The following CREBBP variants were observed in gnomAD, a reference collection of about 807,000 sequenced individuals.
The protein encoded by CREBBP is CREB-binding protein.
In CREBBP, 19 loss-of-function variants were observed where a neutral mutation model predicts 265.0. The ratio of observed to expected loss-of-function variants is 0.07; its 90% CI spans 0.05 to 0.11. The LOEUF (loss-of-function observed/expected upper bound fraction) is 0.11, where lower values mean the gene tolerates loss of function less well. Among genes scored for constraint, CREBBP ranks in the 10% least tolerant of loss-of-function variants. The pLI is 1.00. For synonymous variants in CREBBP, 1,457 were observed against 1,223.7 expected (o/e 1.19, Z -3.98); for missense variants, 2,525 against 3,219.0 (o/e 0.78, Z 5.22).
chr16:3,728,654 A>G lies in CREBBP; in HGVS notation c.6393T>C (p.Pro2131=), dbSNP rs2051820352. 3 of 1,613,388 alleles carry G rather than the reference A, an allele frequency of 1.9e-6. No individual in the cohort carries two copies. In the South Asian group the frequency reaches 3.3e-5, roughly 18 times the overall value. Residue 2131 remains proline (P), a synonymous_variant, in exon 31 of 31, where the codon CCT becomes CCC. Coordinates refer to ENST00000262367, the MANE Select transcript of CREBBP (RefSeq NM_004380.3). This position sits in a 1 kb window ranked among gnomAD's most constrained non-coding sequence, Gnocchi z 8.7. ...GCAGGCTGGGCTGCTGGTGCATGCC[A>G]GGCTGGGGTTGCATGCCGGGCTGGG... The part of the protein sequence containing the change: ...LQSQPGMQPQ[P]GMHQQPSLQN...
chr16:3,766,660 G>T (rs2052860158), intron 16 of CREBBP, among the ~76,000 whole-genome samples: 1 of 151,984 alleles, frequency 6.6e-6, no homozygotes, highest in African/African-American at 2.4e-5. Context: ...CGAGCAGCTA[G>T]AATTATAGGC....
chr16:3,793,313 G>C (rs1371847188), intron 4 of CREBBP, 73 bp downstream of exon 4: 2 of 1,602,376 alleles, frequency 1.2e-6, no homozygotes, highest in Non-Finnish European at 1.7e-6. Flanking sequence ...ATGAACCAGA[G>C]AGCTGCTGTA....
intron 21 of CREBBP, among the ~76,000 whole-genome samples, chr16:3,746,964 C>T (rs1326478635): frequency 6.6e-6 from 1 of 151,968 alleles, no homozygotes; most frequent in Non-Finnish European, 1.5e-5. Context: ...AAACAAAATC[C>T]AAACAAACAA....
chr16:3,825,040 G>C (rs370376233), intron 2 of CREBBP, among the ~76,000 whole-genome samples: 6 of 152,184 alleles, frequency 3.9e-5, no homozygotes, highest in African/African-American at 1.4e-4. Flanking sequence ...TGCAAAAATA[G>C]AGCACAGAAA....
chr16:3,745,551 C>A, intron 21 of CREBBP, 197 bp from the exon 22 acceptor site: 1 of 622,072 alleles, frequency 1.6e-6, no homozygotes, highest in Non-Finnish European at 2.9e-6. Context: ...AAGCTTTCTT[C>A]TTTTGTTTGT....
chr16:3,830,321 C>T lies in CREBBP; in HGVS notation c.799-19542G>A, dbSNP rs562790052. Among the ~76,000 whole-genome samples, 9 of 152,096 alleles carry T rather than the reference C, an allele frequency of 5.9e-5. No individual in the cohort carries two copies. The East Asian group carries it at 1.2e-3, about 20-fold the overall frequency. On this transcript the variant is annotated intron_variant, in intron 2 of 30. Coordinates refer to ENST00000262367, the MANE Select transcript of CREBBP (RefSeq NM_004380.3). ...GCTGAGGTGGGAGGATCACCTCACC[C>T]GGGGTGGGGGGCAGAGGTTGCAGGG...
In CREBBP at chr16:3,796,052, C is replaced by CT. The variant is rs2053601451; in HGVS notation, c.976-2427dup. On this transcript the variant is annotated intron_variant, in intron 3 of 30. Transcript: ENST00000262367. ...AGGTTCTTAATCTATTGTATCTTCC[C>CT]TTTTTTTACTCCTGACACTACCTTG... is the stretch of plus-strand genomic sequence containing the variant. 5.3e-5 allele frequency among the ~76,000 whole-genome samples: 8 copies of CT among 152,074 alleles called. No individual in the cohort carries two copies. In the South Asian group the frequency reaches 8.3e-4, roughly 16 times the overall value.
In CREBBP at chr16:3,757,313, C is replaced by A. The variant is rs2052609627; in HGVS notation, c.3673G>T (p.Ala1225Ser). ...CTATTCTGATAGCTGTAGTAGGCAG[C>A]ATCGCGAGGAATGGTACACAGCTGC... Reference protein sequence around the residue: ...GKQLCTIPRDAAYYSYQNRYH... With the variant: ...GKQLCTIPRDSAYYSYQNRYH... The change falls in exon 19 of 31, where the codon GCT becomes TCT. Residue 1225 changes from alanine (A) to serine (S), a missense_variant. Ala to Ser is a moderately conservative substitution (Grantham distance 99, BLOSUM62 1). Transcript: ENST00000262367. 1.2e-6 allele frequency: 2 copies of A among 1,613,560 alleles called. No homozygotes were observed. Among genetic ancestry groups the A allele is most frequent in the Non-Finnish European group, 1.7e-6 (2 of 1,179,800 alleles).
chr16:3,747,810 C>A (rs1239087861), intron 21 of CREBBP, among the ~76,000 whole-genome samples: 3 of 151,838 alleles, frequency 2.0e-5, no homozygotes, highest in African/African-American at 7.3e-5. Flanking sequence ...AAAATACAGG[C>A]TGGGTGCGGT....
intron 2 of CREBBP, among the ~76,000 whole-genome samples, chr16:3,820,738 T>C (rs748385414): frequency 8.5e-5 from 13 of 152,156 alleles, no homozygotes; most frequent in Non-Finnish European, 1.9e-4. Flanking sequence ...CGTGTGCTTG[T>C]AGTCCCAGCT....
At chr16:3,747,272 T>A (rs1280050351) in intron 21 of CREBBP, among the ~76,000 whole-genome samples, 1 of 152,162 alleles carries the variant, frequency 6.6e-6, no homozygotes, top group Non-Finnish European at 1.5e-5. Context: ...CTTCAAAACC[T>A]CCTCAGCACA....
intron 13 of CREBBP, among the ~76,000 whole-genome samples, chr16:3,771,614 T>C (rs1241563317): frequency 6.6e-6 from 1 of 151,940 alleles, no homozygotes; most frequent in Non-Finnish European, 1.5e-5. Context: ...AAACTGCGGA[T>C]AGTACTGAAC....
chr16:3,801,655 A>C (rs2053715701), intron 3 of CREBBP, among the ~76,000 whole-genome samples: 2 of 152,208 alleles, frequency 1.3e-5, no homozygotes, highest in Non-Finnish European at 1.5e-5. Flanking sequence ...GTGCAACAAG[A>C]GCAACATTCT....
At chr16:3,760,435 C>T (rs1431436124) in intron 16 of CREBBP, among the ~76,000 whole-genome samples, 1 of 111,014 alleles carries the variant, frequency 9.0e-6, no homozygotes, top group African/African-American at 3.4e-5. Flanking sequence ...CAGAGTCTTG[C>T]TCTGTCACCC....
rs2051920078 is a variant in CREBBP at position 3,731,666 on chromosome 16, G to C, written c.4890+110C>G. 6.6e-7 allele frequency: 1 copy of C among 1,514,986 alleles called. No homozygotes were observed. The highest frequency in any genetic ancestry group is 1.1e-5 in the South Asian group (1 of 88,884). 93.8% of individuals were successfully genotyped at this position (1,514,986 alleles called of 1,614,324 possible). A position where few individuals can be genotyped will look rare whatever the true frequency, so the allele number is the denominator to read the frequency against. On this transcript the variant is annotated intron_variant, in intron 29 of 30. Coordinates refer to ENST00000262367, the MANE Select transcript of CREBBP (RefSeq NM_004380.3). The surrounding 1 kb of genome is among the most constrained non-coding windows in gnomAD (Gnocchi z 7.7). Reference sequence around the variant, plus strand: ...CAACTGGTCCACTTGGTTTCCTGGGGGCCACTTCCCTCCCACCACAGACCT... The same window carrying C: ...CAACTGGTCCACTTGGTTTCCTGGGCGCCACTTCCCTCCCACCACAGACCT...
chr16:3,820,439 T>C (rs537669628), intron 2 of CREBBP, among the ~76,000 whole-genome samples: 2 of 152,196 alleles, frequency 1.3e-5, no homozygotes, highest in Admixed American at 6.5e-5. Flanking sequence ...TCCCCCTCAA[T>C]TGAAGTCTTA....
intron 5 of CREBBP, among the ~76,000 whole-genome samples, chr16:3,783,611 G>A (rs933972437): frequency 6.6e-6 from 1 of 152,210 alleles, no homozygotes. Flanking sequence ...GACTGACTGA[G>A]CTGTTTGAAA....
chr16:3,824,381 C>T (rs1308909360), intron 2 of CREBBP, among the ~76,000 whole-genome samples: 3 of 152,176 alleles, frequency 2.0e-5, no homozygotes, highest in African/African-American at 4.8e-5. Flanking sequence ...TAAATGTCCA[C>T]AAAAAAGTGG....
chr16:3,787,321 G>GT (rs1382014698), intron 5 of CREBBP, among the ~76,000 whole-genome samples: 3 of 152,188 alleles, frequency 2.0e-5, no homozygotes, highest in African/African-American at 7.2e-5. Flanking sequence ...CAGAAGCCAA[G>GT]TGACACTGGC....
Sources: allele counts gnomAD v4.1 joint callset (sites outside exome capture counted in the v4.1 genomes callset), GRCh38; gene constraint gnomAD v4.1.1; non-coding constraint Gnocchi (gnomAD v3.1); transcripts MANE v1.5; gene names NCBI Gene and HGNC (gene_info 2026-07-23, HGNC 2026-07-21).